TXNDC16: variants seen among roughly 807,000 people sequenced by gnomAD.
TXNDC16 encodes thioredoxin domain-containing protein 16.
TXNDC16 carries 74 observed loss-of-function variants against 85.6 expected under a neutral mutation model. The observed-to-expected ratio is 0.86, with a 90% CI of 0.72 to 1.05. The LOEUF is 1.05. Among genes scored for constraint, TXNDC16 ranks in the 50% least tolerant of loss-of-function variants. TXNDC16 has a pLI of 0.00. For missense variants in TXNDC16, 959 were observed against 947.0 expected (o/e 1.01, Z -0.17); for synonymous variants, 335 against 326.5 (o/e 1.03, Z -0.28).
At chr14:52,525,555 A>T (rs979113171) in intron 6 of TXNDC16, among the ~76,000 whole-genome samples, 2 of 150,438 alleles carry the variant, frequency 1.3e-5, no homozygotes, top group East Asian at 3.9e-4. Context: ...AAAATTAGCC[A>T]GGTATGGTGG....
rs528379597 is a variant in TXNDC16, at chr14:52,459,394, A to C, written c.1619-2220T>G. On this transcript the variant is annotated intron_variant, in intron 16 of 20. Transcript: ENST00000281741. ...CCAGGAAGAAATTGATTCCCTGAAC[A>C]GACCAGTAACAAGTTCTGAACTTGA... 7.2e-5 allele frequency among the ~76,000 whole-genome samples: 11 copies of C among 152,320 alleles called. No individual in the cohort carries two copies. In the East Asian group the frequency reaches 1.2e-3, roughly 16 times the overall value.
intron 17 of TXNDC16, among the ~76,000 whole-genome samples, chr14:52,455,931 G>C (rs1213421154): frequency 2.0e-5 from 3 of 152,086 alleles, no homozygotes; most frequent in Non-Finnish European, 4.4e-5. Flanking sequence ...TTAAGAAATA[G>C]GACTGAGAGA....
chr14:52,510,760 C>G (rs1296077877), intron 9 of TXNDC16, among the ~76,000 whole-genome samples: 1 of 152,194 alleles, frequency 6.6e-6, no homozygotes, highest in Non-Finnish European at 1.5e-5. Flanking sequence ...TCACCATCAC[C>G]TAGTGTCTCT....
At chr14:52,495,094 A>G (rs2036500338) in intron 9 of TXNDC16, among the ~76,000 whole-genome samples, 1 of 152,256 alleles carries the variant, frequency 6.6e-6, no homozygotes, top group Non-Finnish European at 1.5e-5. Flanking sequence ...ATCACTGTGT[A>G]GCAAAGTACC....
At chr14:52,525,191 C>CA (rs1439556876) in intron 6 of TXNDC16, among the ~76,000 whole-genome samples, 6 of 152,020 alleles carry the variant, frequency 3.9e-5, no homozygotes, top group Non-Finnish European at 7.4e-5. Flanking sequence ...ACCATGAACT[C>CA]ACATTTGTTT....
chr14:52,506,927 G>A (rs1425583743), intron 9 of TXNDC16, among the ~76,000 whole-genome samples: 3 of 151,462 alleles, frequency 2.0e-5, no homozygotes, highest in Admixed American at 1.3e-4. Flanking sequence ...AATAATAAGA[G>A]CTATCTATGA....
intron 18 of TXNDC16, among the ~76,000 whole-genome samples, chr14:52,446,614 C>T (rs2035290971): frequency 6.6e-6 from 1 of 152,100 alleles, no homozygotes; most frequent in Admixed American, 6.5e-5. Context: ...GTGCTGATGC[C>T]ACCTCTCCCC....
chr14:52,499,840 A>G (rs1230334280), intron 9 of TXNDC16, among the ~76,000 whole-genome samples: 2 of 152,164 alleles, frequency 1.3e-5, no homozygotes, highest in Non-Finnish European at 1.5e-5. Context: ...GCATATACCT[A>G]CACGCTCCAT....
intron 4 of TXNDC16, among the ~76,000 whole-genome samples, chr14:52,539,325 T>C (rs975851510): frequency 6.6e-6 from 1 of 151,710 alleles, no homozygotes; most frequent in African/African-American, 2.4e-5. Flanking sequence ...AAGAGATGAG[T>C]TCTAAGCAGA....
At position 52,432,399 on chromosome 14, in the gene TXNDC16, G is replaced by C. The variant is rs1566523908; in HGVS notation, c.2383C>G (p.Leu795Val). The change falls in exon 21 of 21, where the codon CTG becomes GTG. Residue 795 changes from leucine to valine, a missense_variant. Transcript: ENST00000281741. Reference sequence around the variant, plus strand: ...CTTCTATTCCAATGCTTTATTCTCAGAGTTTCAATCGGTTCTTTTCTGACT... The same window carrying C: ...CTTCTATTCCAATGCTTTATTCTCACAGTTTCAATCGGTTCTTTTCTGACT... Reference protein sequence around the residue: ...SAVRKEPIETLRIKHWNRSNW... With the variant: ...SAVRKEPIETVRIKHWNRSNW... 1 of 1,613,926 alleles carries C rather than the reference G, an allele frequency of 6.2e-7. No homozygotes were observed. Among genetic ancestry groups the C allele is most frequent in the East Asian group, 2.2e-5 (1 of 44,856 alleles).
chr14:52,528,544 TAGA>T (rs2037391738), intron 6 of TXNDC16, among the ~76,000 whole-genome samples: 1 of 151,806 alleles, frequency 6.6e-6, no homozygotes, highest in South Asian at 2.1e-4. Flanking sequence ...AATGTAAATG[TAGA>T]AGAATTATAT....
chr14:52,536,645 A>T, intron 6 of TXNDC16, 74 bp downstream of exon 6: 1 of 1,226,186 alleles, frequency 8.2e-7, no homozygotes, highest in Non-Finnish European at 1.1e-6. Flanking sequence ...TATTTTAATG[A>T]ATTGTGGTTA....
intron 11 of TXNDC16, among the ~76,000 whole-genome samples, chr14:52,489,477 T>A (rs1216887935): frequency 6.6e-6 from 1 of 152,142 alleles, no homozygotes; most frequent in African/African-American, 2.4e-5. Context: ...CTATCACATA[T>A]CTTCATTTTT....
chr14:52,518,747 T>TA (rs556451156), intron 7 of TXNDC16, among the ~76,000 whole-genome samples: 7 of 151,088 alleles, frequency 4.6e-5, no homozygotes, highest in East Asian at 1.9e-4. Context: ...ATAAGGAAAT[T>TA]AAAAAAAAAT....
At chr14:52,515,611 C>T (rs1402854116) in intron 7 of TXNDC16, among the ~76,000 whole-genome samples, 10 of 151,318 alleles carry the variant, frequency 6.6e-5, no homozygotes, top group Non-Finnish European at 1.0e-4. Context: ...GGGACAAGCA[C>T]TTTCAACTCA....
At chr14:52,520,886 T>C (rs998950111) in intron 6 of TXNDC16, among the ~76,000 whole-genome samples, 5 of 152,100 alleles carry the variant, frequency 3.3e-5, no homozygotes, top group Admixed American at 6.5e-5. Flanking sequence ...CTCAAACTTT[T>C]TGGTCTCAGG....
At chr14:52,459,670 C>A (rs368548474) in intron 16 of TXNDC16, among the ~76,000 whole-genome samples, 1 of 152,134 alleles carries the variant, frequency 6.6e-6, no homozygotes, top group Non-Finnish European at 1.5e-5. Context: ...AAATCCTCAA[C>A]AAAGTATGCA....
intron 4 of TXNDC16, among the ~76,000 whole-genome samples, chr14:52,541,654 C>CT (rs2037834049): frequency 1.3e-5 from 2 of 152,080 alleles, no homozygotes; most frequent in Non-Finnish European, 2.9e-5. Context: ...AAGAGGAAGG[C>CT]TAATGAATTA....
intron 18 of TXNDC16, among the ~76,000 whole-genome samples, chr14:52,447,108 G>A (rs918343539): frequency 2.0e-5 from 3 of 151,956 alleles, no homozygotes; most frequent in African/African-American, 7.2e-5. Context: ...GGTTTTGGGG[G>A]GGCCACAATT....
Sources: allele counts gnomAD v4.1 joint callset (sites outside exome capture counted in the v4.1 genomes callset), GRCh38; gene constraint gnomAD v4.1.1; transcripts MANE v1.5; gene names NCBI Gene and HGNC (gene_info 2026-07-23, HGNC 2026-07-21).